PTAFR: variants seen among roughly 807,000 people sequenced by gnomAD.
PTAFR encodes the protein platelet-activating factor receptor.
Under a neutral mutation model 14.7 loss-of-function variants are expected in PTAFR, and 8 were observed. That is an observed-to-expected ratio of 0.54 (90% CI 0.32 to 0.98). PTAFR has a LOEUF of 0.98. Ranked by LOEUF, PTAFR falls within the 50% of genes least tolerant of loss-of-function variation. PTAFR has a pLI of 0.04. For missense variants in PTAFR, 337 were observed against 451.2 expected (o/e 0.75, Z 2.29); for synonymous variants, 156 against 176.5 (o/e 0.88, Z 0.92).
rs769811699 is a variant in PTAFR at position 28,150,858 on chromosome 1, A to C, written c.164T>G (p.Phe55Cys). 3.7e-6 allele frequency: 6 copies of C among 1,614,046 alleles called. No homozygotes were observed. The highest frequency in any genetic ancestry group is 5.1e-6 in the Non-Finnish European group (6 of 1,180,040). Residue 55 changes from phenylalanine to cysteine, a missense_variant, in exon 2 of 2, where the codon TTC becomes TGC. Transcript: ENST00000373857. This position sits in a 1 kb window ranked among gnomAD's most constrained non-coding sequence, Gnocchi z 6.3. ...PCKKFNEIKI[F>C]MVNLTMADML... ...GTCCGCCATGGTGAGGTTCACCATG[A>C]AGATCTTTATCTCATTGAATTTCTT... is the stretch of plus-strand genomic sequence containing the variant.
In PTAFR at chr1:28,149,768, T is replaced by C. The variant is rs994170189; in HGVS notation, c.*225A>G. 6 of 567,156 alleles carry C rather than the reference T, an allele frequency of 1.1e-5. No homozygotes were observed. Among genetic ancestry groups the C allele is most frequent in the South Asian group, 4.4e-5 (2 of 45,198 alleles). The allele number at this position is 567,156 out of a possible 1,614,324, so 35.1% of individuals were successfully genotyped here. A position where few individuals can be genotyped will look rare whatever the true frequency, so the allele number is the denominator to read the frequency against. On this transcript the variant is annotated 3_prime_UTR_variant, in exon 2 of 2. Transcript: ENST00000373857. ...CTCAGGATAAAGTCATCAGTCACAG[T>C]TACTGTAGTATGCGCCCACAGGCGG...
At chr1:28,188,992 G>A (rs1646628937) in intron 1 of PTAFR, among the ~76,000 whole-genome samples, 1 of 151,414 alleles carries the variant, frequency 6.6e-6, no homozygotes, top group Non-Finnish European at 1.5e-5. Context: ...CTGAATAGAA[G>A]AAATTCAAGT....
At position 28,147,591 on chromosome 1, in the gene PTAFR, C is replaced by T. The variant is rs141819081; in HGVS notation, c.*2402G>A. The T allele has an allele frequency of 6.6e-6, 1 of 152,400 alleles. No homozygotes were observed. Among genetic ancestry groups the T allele is most frequent in the Non-Finnish European group, 1.5e-5 (1 of 68,138 alleles). 9.4% of individuals were successfully genotyped at this position (152,400 alleles called of 1,614,324 possible). On this transcript the variant is annotated 3_prime_UTR_variant, in exon 2 of 2. Coordinates refer to ENST00000373857, the MANE Select transcript of PTAFR (RefSeq NM_000952.5). ...CGCAACACACACAGACAAACACACACACATGGACACAGTCACAGCTCCAGG... is the reference window on the plus strand; with the variant it reads ...CGCAACACACACAGACAAACACACATACATGGACACAGTCACAGCTCCAGG...
chr1:28,167,484 C>T (rs1010989413), intron 1 of PTAFR, among the ~76,000 whole-genome samples: 4 of 152,086 alleles, frequency 2.6e-5, no homozygotes, highest in Admixed American at 2.6e-4. Flanking sequence ...GAAATTGGAA[C>T]TTTCGCATAG....
chr1:28,186,085 C>T (rs1240691919), intron 1 of PTAFR, among the ~76,000 whole-genome samples: 1 of 152,132 alleles, frequency 6.6e-6, no homozygotes, highest in Non-Finnish European at 1.5e-5. Context: ...TCAAGCAATT[C>T]TCCCACCCCA....
intron 1 of PTAFR, among the ~76,000 whole-genome samples, chr1:28,163,124 T>C (rs143163444): frequency 0.019 from 2,875 of 152,330 alleles, 35 homozygotes; most frequent in Non-Finnish European, 0.029. Context: ...AGCCTGCTTT[T>C]GCCTATTGCT....
intron 1 of PTAFR, 75 bp from the exon 2 acceptor site, chr1:28,151,134 C>G: frequency 1.2e-6 from 1 of 808,172 alleles, no homozygotes; most frequent in South Asian, 1.9e-5. Flanking sequence ...TTCCAAGACT[C>G]CTTGCCATGG....
Position 28,150,843 on chromosome 1 carries a change from G to A in PTAFR, c.179C>T (p.Thr60Ile), listed in dbSNP as rs748377110. The change falls in exon 2 of 2, where the codon ACC becomes ATC. Residue 60 changes from threonine (T) to isoleucine (I), a missense_variant. By Grantham distance (89) the Thr-to-Ile change is moderately conservative. Transcript: ENST00000373857. The surrounding 1 kb of genome is among the most constrained non-coding windows in gnomAD (Gnocchi z 6.3). ...GATCAAGAAGAGCATGTCCGCCATG[G>A]TGAGGTTCACCATGAAGATCTTTAT... ...NEIKIFMVNLTMADMLFLITL... is the reference protein window; with the variant it reads ...NEIKIFMVNLIMADMLFLITL... 2 of 1,614,174 alleles carry A rather than the reference G, an allele frequency of 1.2e-6. No homozygotes were observed. The highest frequency in any genetic ancestry group is 1.7e-6 in the Non-Finnish European group (2 of 1,180,048).
chr1:28,151,473 C>T (rs1189546248), intron 1 of PTAFR, among the ~76,000 whole-genome samples: 3 of 151,936 alleles, frequency 2.0e-5, no homozygotes, highest in Non-Finnish European at 4.4e-5. Flanking sequence ...TCACTGTGCC[C>T]GGCCTCATGT....
At chr1:28,174,415 AAAG>A (rs1370009582) in intron 1 of PTAFR, among the ~76,000 whole-genome samples, 2 of 152,010 alleles carry the variant, frequency 1.3e-5, no homozygotes. Flanking sequence ...GCTCCCTGTA[AAAG>A]GACAATAAGA....
upstream of PTAFR, among the ~76,000 whole-genome samples, chr1:28,179,557 T>C (rs990892052): frequency 6.6e-6 from 1 of 152,132 alleles, no homozygotes; most frequent in African/African-American, 2.4e-5. Flanking sequence ...GACTCACGCC[T>C]GTAATCCCAG....
At chr1:28,151,273 G>C (rs191213351) in intron 1 of PTAFR, among the ~76,000 whole-genome samples, 1 of 151,696 alleles carries the variant, frequency 6.6e-6, no homozygotes, top group Non-Finnish European at 1.5e-5. Flanking sequence ...TCCGCCTCCC[G>C]GGTTCAAGCG....
At chr1:28,168,861 T>C (rs1646421076) in intron 1 of PTAFR, among the ~76,000 whole-genome samples, 1 of 151,740 alleles carries the variant, frequency 6.6e-6, no homozygotes. Flanking sequence ...AGAGACGGGG[T>C]TTCAACATGT....
In PTAFR at chr1:28,149,939, C is replaced by T. The variant is rs1372329361; in HGVS notation, c.*54G>A. The T allele has an allele frequency of 1.4e-5, 22 of 1,558,238 alleles. No individual in the cohort carries two copies. The highest frequency in any genetic ancestry group is 2.7e-5 in the African/African-American group (2 of 73,686). On this transcript the variant is annotated 3_prime_UTR_variant, in exon 2 of 2. Coordinates refer to ENST00000373857, the MANE Select transcript of PTAFR (RefSeq NM_000952.5). ...CCACAGTAGATATCCCTTCTTCCCCCAGCTCAGTCCATGATGTTCATGGAG... is the reference window on the plus strand; with the variant it reads ...CCACAGTAGATATCCCTTCTTCCCCTAGCTCAGTCCATGATGTTCATGGAG...
chr1:28,154,040 G>A lies in PTAFR; in HGVS notation c.-38-2981C>T, dbSNP rs1208325459. 2.7e-5 allele frequency among the ~76,000 whole-genome samples: 4 copies of A among 148,790 alleles called. No individual in the cohort carries two copies. The East Asian group carries it at 6.0e-4, about 22-fold the overall frequency. On this transcript the variant is annotated intron_variant, in intron 1 of 1. Transcript: ENST00000373857. ...CTGACATTCCAGCCTAGATGATGGG[G>A]TGAGACCTTGTCTCAGAAAATGGGA...
chr1:28,168,394 A>C (rs1646415456), intron 1 of PTAFR, among the ~76,000 whole-genome samples: 3 of 152,236 alleles, frequency 2.0e-5, no homozygotes, highest in Admixed American at 2.0e-4. Flanking sequence ...AATGTGGTAT[A>C]TACATACAAT....
intron 1 of PTAFR, among the ~76,000 whole-genome samples, chr1:28,154,550 G>A (rs748564913): frequency 6.6e-6 from 1 of 152,062 alleles, no homozygotes; most frequent in African/African-American, 2.4e-5. Flanking sequence ...GGTGGCTCAC[G>A]CCTGTAATCC....
At chr1:28,170,464 G>C (rs561158959) in intron 1 of PTAFR, among the ~76,000 whole-genome samples, 120 of 152,242 alleles carry the variant, frequency 7.9e-4, no homozygotes, top group African/African-American at 2.7e-3. Flanking sequence ...AGCACTTTGA[G>C]AGGCTGAGGT....
chr1:28,183,654 A>T (rs1646580486), intron 1 of PTAFR, among the ~76,000 whole-genome samples: 1 of 152,094 alleles, frequency 6.6e-6, no homozygotes. Flanking sequence ...TGTAATAGGT[A>T]GGAATTTTAC....
Sources: gnomAD v4.1 joint callset for allele counts (sites outside exome capture counted in the v4.1 genomes callset) on GRCh38, gnomAD v4.1.1 for gene constraint, Gnocchi (gnomAD v3.1) non-coding constraint, MANE v1.5 for transcripts, NCBI Gene and HGNC (gene_info 2026-07-23, HGNC 2026-07-21) for gene names.